Variants in MYH10 observed in about 807,000 individuals in gnomAD.
MYH10 encodes the protein myosin-10.
A neutral mutation model predicts 257.8 loss-of-function variants in MYH10; 55 were observed. That is an observed-to-expected ratio of 0.21 (90% CI 0.17 to 0.27). The LOEUF is 0.27. Ranked by LOEUF, MYH10 falls within the 10% of genes least tolerant of loss-of-function variation. The pLI, the probability that MYH10 is intolerant of heterozygous loss-of-function variation, is 1.00. For missense variants in MYH10, 1,631 were observed against 2,500.6 expected, an observed-to-expected ratio of 0.65 and a Z score of 7.42; for synonymous variants, 854 against 921.7, an observed-to-expected ratio of 0.93 and a Z score of 1.33.
intron 4 of MYH10, among the ~76,000 whole-genome samples, chr17:8,577,730 C>T (rs1019015389): frequency 3.9e-5 from 6 of 152,130 alleles, no homozygotes; most frequent in Admixed American, 2.0e-4. Flanking sequence ...TGGGGTTTCA[C>T]CATGTTGGCC....
chr17:8,484,188 T>C lies in MYH10; in HGVS notation c.5125A>G (p.Ser1709Gly). The change falls in exon 37 of 43, where the codon AGT becomes GGT. Residue 1709 changes from serine to glycine, a missense_variant. Physicochemically the swap from Ser to Gly is moderately conservative, Grantham distance 56. Around this residue, in one of 11 missense-constraint regions of MYH10, gnomAD observed 463 missense variants for 621.8 expected, o/e 0.74. Transcript: ENST00000360416. ...RDEIFAQSKE[S>G]EKKLKSLEAE... ...TCCAGACTCTTCAATTTCTTTTCACTCTCTTTGGATTGAGCAAAAATCTCA... is the reference window on the plus strand; with the variant it reads ...TCCAGACTCTTCAATTTCTTTTCACCCTCTTTGGATTGAGCAAAAATCTCA... The C allele has an allele frequency of 6.2e-7, 1 of 1,610,188 alleles. No homozygotes were observed. Among genetic ancestry groups the C allele is most frequent in the Non-Finnish European group, 8.5e-7 (1 of 1,178,768 alleles).
At chr17:8,573,152 C>A (rs1372710516) in intron 6 of MYH10, among the ~76,000 whole-genome samples, 2 of 152,288 alleles carry the variant, frequency 1.3e-5, no homozygotes, top group African/African-American at 4.8e-5. Context: ...AAATTACACT[C>A]CTGGGTTTAT....
intron 3 of MYH10, among the ~76,000 whole-genome samples, chr17:8,592,061 GGGAAAAAC>G (rs2084166309): frequency 6.6e-6 from 1 of 152,110 alleles, no homozygotes; most frequent in African/African-American, 2.4e-5. Flanking sequence ...ATATTAAAGG[GGGAAAAAC>G]TCACTTTCAA....
rs1270830907 is a variant in MYH10, at chr17:8,492,357, G to C, written c.4611C>G (p.Asn1537Lys). Reference protein sequence around the residue: ...LEAKEEFERQNKQLRADMEDL... With the variant: ...LEAKEEFERQKKQLRADMEDL... ...CTTCCATGTCTGCTCGGAGCTGCTT[G>C]TTCTGCCTCTCAAACTCCTCCTTGG... Residue 1537 changes from asparagine (N) to lysine (K), a missense_variant, in exon 34 of 43, where the codon AAC becomes AAG. This residue lies in a region of MYH10 where 463 missense variants were observed against 621.8 expected (regional missense o/e 0.74). Coordinates refer to ENST00000360416, the MANE Select transcript of MYH10 (RefSeq NM_001256012.3). 3 of 1,613,824 alleles carry C rather than the reference G, an allele frequency of 1.9e-6. No homozygotes were observed. Among genetic ancestry groups the C allele is most frequent in the African/African-American group, 1.3e-5 (1 of 75,064 alleles).
chr17:8,600,814 T>C (rs1003607526), intron 3 of MYH10, among the ~76,000 whole-genome samples: 2 of 152,046 alleles, frequency 1.3e-5, no homozygotes, highest in Admixed American at 6.5e-5. Context: ...TCCCAGTGCA[T>C]AGGATTTGAG....
chr17:8,566,741 G>T (rs2083178504), intron 7 of MYH10, among the ~76,000 whole-genome samples: 1 of 152,170 alleles, frequency 6.6e-6, no homozygotes, highest in African/African-American at 2.4e-5. Context: ...CCAGGTTTTA[G>T]GATCATTTGT....
intron 23 of MYH10, 66 bp from the exon 24 acceptor site, chr17:8,512,723 T>C (rs2081340827): frequency 5.4e-6 from 7 of 1,298,996 alleles, no homozygotes; most frequent in Admixed American, 2.4e-5. Flanking sequence ...ATATTCGCCG[T>C]GATTTCAATG....
At chr17:8,580,451 A>G (rs1459492321) in intron 4 of MYH10, among the ~76,000 whole-genome samples, 1 of 151,132 alleles carries the variant, frequency 6.6e-6, no homozygotes, top group Non-Finnish European at 1.5e-5. Flanking sequence ...TCTCCCAGGT[A>G]TAAGTTTTGT....
intron 42 of MYH10, among the ~76,000 whole-genome samples, chr17:8,476,219 C>T (rs943852841): frequency 2.0e-4 from 30 of 152,188 alleles, no homozygotes; most frequent in African/African-American, 6.3e-4. Flanking sequence ...GTAAGGAAGA[C>T]GGATTAAGGC....
chr17:8,484,796 A>G (rs763097401), intron 36 of MYH10, among the ~76,000 whole-genome samples: 1 of 152,218 alleles, frequency 6.6e-6, no homozygotes, highest in African/African-American at 2.4e-5. Context: ...ACAGAAGGAA[A>G]TTTCTTCAAC....
At chr17:8,617,007 G>A (rs7502675) in intron 2 of MYH10, among the ~76,000 whole-genome samples, 44,559 of 151,806 alleles carry the variant, frequency 0.29, 6,855 homozygotes, top group African/African-American at 0.4. Context: ...CAGAGCAGTG[G>A]AGAAAGGATT....
chr17:8,613,587 T>C (rs751029568), intron 2 of MYH10, among the ~76,000 whole-genome samples: 1 of 151,818 alleles, frequency 6.6e-6, no homozygotes, highest in Non-Finnish European at 1.5e-5. Context: ...ATAGCAAAAA[T>C]GGACAGCTAA....
At chr17:8,624,258 G>A (rs924792822) in intron 1 of MYH10, among the ~76,000 whole-genome samples, 3 of 152,146 alleles carry the variant, frequency 2.0e-5, no homozygotes, top group African/African-American at 7.2e-5. Flanking sequence ...GCTAAGCTAT[G>A]TCCCCTCCTC....
intron 36 of MYH10, among the ~76,000 whole-genome samples, chr17:8,486,991 G>T (rs1016145214): frequency 6.6e-6 from 1 of 152,104 alleles, no homozygotes; most frequent in Non-Finnish European, 1.5e-5. Flanking sequence ...ATAGGTGAGG[G>T]CCCCCTGCCT....
At chr17:8,589,969 G>C (rs1047976225) in intron 3 of MYH10, among the ~76,000 whole-genome samples, 1 of 152,156 alleles carries the variant, frequency 6.6e-6, no homozygotes, top group Non-Finnish European at 1.5e-5. Context: ...GCCAGGATGA[G>C]GACCCAGGCC....
In MYH10 at chr17:8,477,701, C is replaced by G. The variant is rs867331903; in HGVS notation, c.5706+637G>C. 6.6e-6 allele frequency among the ~76,000 whole-genome samples: 1 copy of G among 152,148 alleles called. No individual in the cohort carries two copies. Among genetic ancestry groups the G allele is most frequent in the South Asian group, 2.1e-4 (1 of 4,834 alleles). On this transcript the variant is annotated intron_variant, in intron 41 of 42. Coordinates refer to ENST00000360416, the MANE Select transcript of MYH10 (RefSeq NM_001256012.3). The surrounding 1 kb of genome is among the most constrained non-coding windows in gnomAD (Gnocchi z 4.2). ...TGAATGAATGAAGTTGGGGAGGGTT[C>G]GGGCCAAAGGCAGTGAAATCCTCAG...
rs544253607 is a variant in MYH10, at chr17:8,566,609, T to C, written c.756+3111A>G. On this transcript the variant is annotated intron_variant, in intron 7 of 42. Transcript: ENST00000360416. ...CACCTCAGTCAGGCCTTCAGATGAC[T>C]ACAGCTGTAGCCAACATCTCAGTGA... 1.4e-4 allele frequency among the ~76,000 whole-genome samples: 21 copies of C among 151,910 alleles called. 1 individual carries two copies. The South Asian group carries it at 4.4e-3, about 32-fold the overall frequency.
intron 1 of MYH10, among the ~76,000 whole-genome samples, chr17:8,625,136 A>T (rs1181663193): frequency 6.6e-6 from 1 of 152,216 alleles, no homozygotes; most frequent in Non-Finnish European, 1.5e-5. Context: ...CTGTAATCCC[A>T]GCCACTCAGG....
intron 1 of MYH10, among the ~76,000 whole-genome samples, chr17:8,629,626 C>T (rs1273377968): frequency 2.6e-5 from 4 of 152,154 alleles, no homozygotes; most frequent in Middle Eastern, 3.2e-3. Flanking sequence ...CGAACCAATT[C>T]CAGTCCGATT....
Sources: allele counts gnomAD v4.1 joint callset (sites outside exome capture counted in the v4.1 genomes callset), GRCh38; gene constraint gnomAD v4.1.1; regional missense constraint gnomAD v4.1.1; non-coding constraint Gnocchi (gnomAD v3.1); transcripts MANE v1.5; gene names NCBI Gene and HGNC (gene_info 2026-07-23, HGNC 2026-07-21).